Variants in OCM observed in about 807,000 individuals in gnomAD.
OCM encodes oncomodulin.
OCM carries 18 observed loss-of-function variants against 14.1 expected under a neutral mutation model. That is an observed-to-expected ratio of 1.28 (90% CI 0.88 to 1.89). The LOEUF (loss-of-function observed/expected upper bound fraction) is 1.89, where lower values mean the gene tolerates loss of function less well. Ranked by LOEUF, OCM falls within the 40% of genes most tolerant of loss-of-function variation. The pLI is 0.00. For synonymous variants in OCM, 48 were observed against 51.0 expected (o/e 0.94, Z 0.25); for missense variants, 140 against 137.6 (o/e 1.02, Z -0.09).
chr7:5,885,324 AT>A (rs1225901918), intron 3 of OCM, among the ~76,000 whole-genome samples: 14 of 152,120 alleles, frequency 9.2e-5, no homozygotes, highest in African/African-American at 3.1e-4. Context: ...CCTATCAAAT[AT>A]ATCCTAAAAA....
At chr7:5,875,044 A>ATC (rs1238593167), upstream of OCM, among the ~76,000 whole-genome samples, 1 of 141,676 alleles carries the variant, frequency 7.1e-6, no homozygotes, top group East Asian at 2.0e-4. Context: ...CTATATCTAT[A>ATC]TATATATATA....
upstream of OCM, among the ~76,000 whole-genome samples, chr7:5,877,495 CAA>C (rs1319272267): frequency 6.6e-6 from 1 of 151,614 alleles, no homozygotes; most frequent in East Asian, 2.0e-4. Flanking sequence ...GAAAAACAAA[CAA>C]ATAAAAAACA....
the OCM span, among the ~76,000 whole-genome samples, chr7:5,865,510 C>A: frequency 1.1e-4 from 16 of 152,168 alleles, no homozygotes; most frequent in East Asian, 9.6e-4. Flanking sequence ...TTTTAGAACA[C>A]CGTGAAGGTC....
At chr7:5,883,489 G>T (rs1242945756) in intron 2 of OCM, among the ~76,000 whole-genome samples, 1 of 152,172 alleles carries the variant, frequency 6.6e-6, no homozygotes, top group African/African-American at 2.4e-5. Flanking sequence ...TTCCAGACCA[G>T]TCTGGGGAAC....
chr7:5,869,880 G>C, the OCM span, among the ~76,000 whole-genome samples: 7 of 152,190 alleles, frequency 4.6e-5, no homozygotes, highest in Non-Finnish European at 8.8e-5. Flanking sequence ...CCTGACATTG[G>C]CTGACCCAGG....
At chr7:5,862,172 C>T in the OCM span, among the ~76,000 whole-genome samples, 1 of 152,122 alleles carries the variant, frequency 6.6e-6, no homozygotes, top group Non-Finnish European at 1.5e-5. Flanking sequence ...ATCCATACAC[C>T]AGCATGTTTG....
the OCM span, among the ~76,000 whole-genome samples, chr7:5,862,341 G>C: frequency 6.6e-6 from 1 of 151,704 alleles, no homozygotes; most frequent in Admixed American, 6.6e-5. Context: ...CATAAGCCAG[G>C]TGCCCACCAA....
At chr7:5,881,086 A>G (rs1781206221) in intron 1 of OCM, 136 bp downstream of exon 1, 5 of 784,162 alleles carry the variant, frequency 6.4e-6, no homozygotes, top group Non-Finnish European at 1.1e-5. Flanking sequence ...TGGGAGGCCG[A>G]GGCGGGTGGA....
the OCM span, among the ~76,000 whole-genome samples, chr7:5,873,381 A>C: frequency 6.6e-6 from 1 of 152,098 alleles, no homozygotes; most frequent in African/African-American, 2.4e-5. Context: ...CCATCTCAAA[A>C]AAAATTTTTT....
the OCM span, among the ~76,000 whole-genome samples, chr7:5,874,288 G>A: frequency 6.7e-6 from 1 of 149,654 alleles, no homozygotes; most frequent in Non-Finnish European, 1.5e-5. Context: ...ATTCTTTCCT[G>A]GGAGCAATTA....
intron 1 of OCM, among the ~76,000 whole-genome samples, chr7:5,882,226 G>C (rs1449594387): frequency 6.6e-6 from 1 of 151,942 alleles, no homozygotes; most frequent in Admixed American, 6.6e-5. Context: ...AGTGGGCCAG[G>C]GGGAGGGGGA....
chr7:5,873,804 G>A, the OCM span, among the ~76,000 whole-genome samples: 1 of 152,118 alleles, frequency 6.6e-6, no homozygotes, highest in East Asian at 1.9e-4. Flanking sequence ...GAAGTTGAGA[G>A]ATGTTTAGGA....
At chr7:5,872,668 A>T in the OCM span, among the ~76,000 whole-genome samples, 7 of 152,132 alleles carry the variant, frequency 4.6e-5, no homozygotes, top group Non-Finnish European at 8.8e-5. Context: ...CACAGATGCT[A>T]GAAGGCAGCA....
At chr7:5,874,223 CAAAAAAAAAAAAAAAAAA>C in the OCM span, among the ~76,000 whole-genome samples, 1 of 31,470 alleles carries the variant, frequency 3.2e-5, no homozygotes, top group East Asian at 1.0e-3. Context: ...GACTCTGTCT[CAAAAAAAAAAAAAAAAAA>C]AAAAAAAAAA....
chr7:5,865,118 G>C, the OCM span, among the ~76,000 whole-genome samples: 1 of 151,824 alleles, frequency 6.6e-6, no homozygotes, highest in Non-Finnish European at 1.5e-5. Flanking sequence ...CCAGTCACCC[G>C]ATCCAGTCAC....
At chr7:5,881,355 T>C (rs1453017320) in intron 1 of OCM, among the ~76,000 whole-genome samples, 1 of 148,002 alleles carries the variant, frequency 6.8e-6, no homozygotes, top group Non-Finnish European at 1.5e-5. Flanking sequence ...GCATGGTGGC[T>C]CACATCTGTA....
the OCM span, among the ~76,000 whole-genome samples, chr7:5,868,999 G>C: frequency 2.6e-5 from 4 of 152,104 alleles, no homozygotes; most frequent in Non-Finnish European, 5.9e-5. Flanking sequence ...GGAGGCAGAG[G>C]TTGCAGTGAG....
At chr7:5,876,909 G>A (rs544922496), upstream of OCM, among the ~76,000 whole-genome samples, 10 of 151,694 alleles carry the variant, frequency 6.6e-5, no homozygotes, top group Non-Finnish European at 1.5e-4. Flanking sequence ...CAGTTCAAGC[G>A]ATTCTCCTGC....
chr7:5,874,061 A>AT, the OCM span, among the ~76,000 whole-genome samples: 2 of 139,918 alleles, frequency 1.4e-5, no homozygotes, highest in African/African-American at 5.2e-5. Context: ...ACTAAAAATA[A>AT]AAAAAAAAAA....
Sources: gnomAD v4.1 joint callset for allele counts (sites outside exome capture counted in the v4.1 genomes callset) on GRCh38, gnomAD v4.1.1 for gene constraint, MANE v1.5 for transcripts, NCBI Gene and HGNC (gene_info 2026-07-23, HGNC 2026-07-21) for gene names.